The following DIP2A variants were observed in gnomAD, a reference collection of about 807,000 sequenced individuals.
The protein encoded by DIP2A is DIP2 acetate--CoA ligase A.
DIP2A carries 85 observed loss-of-function variants against 177.4 expected under a neutral mutation model. That is an observed-to-expected ratio of 0.48 (90% CI 0.40 to 0.57). The LOEUF is 0.57. DIP2A is among the 20% of genes least tolerant of loss of function. The pLI is 0.00. For missense variants in DIP2A, 1,791 were observed against 2,100.2 expected (o/e 0.85, Z 2.88); for synonymous variants, 886 against 881.8 (o/e 1.00, Z -0.08).
rs60346777 is a variant in DIP2A at position 46,461,271 on chromosome 21, CAAAAAAAAA to C, written c.91+2063_91+2071del. Reference sequence around the variant, plus strand: ...AGAGCGAGAACCTGTCTCTTCTCACCAAAAAAAAAAAAAAAAAAAAAAGGAAAGAAATGG... The same window carrying C: ...AGAGCGAGAACCTGTCTCTTCTCACCAAAAAAAAAAAAAGGAAAGAAATGG... On this transcript the variant is annotated intron_variant, in intron 1 of 37. Coordinates refer to ENST00000417564, the MANE Select transcript of DIP2A (RefSeq NM_015151.4). 2.9e-3 allele frequency among the ~76,000 whole-genome samples: 143 copies of C among 49,328 alleles called. 2 individuals carry two copies. The highest frequency in any genetic ancestry group is 0.011 in the African/African-American group (131 of 11,840). 32.4% of individuals were successfully genotyped at this position (49,328 alleles called of 152,430 possible). A position where few individuals can be genotyped will look rare whatever the true frequency, so the allele number is the denominator to read the frequency against.
At chr21:46,514,663 C>A in intron 8 of DIP2A, among the ~76,000 whole-genome samples, 1 of 103,246 alleles carries the variant, frequency 9.7e-6, no homozygotes. Context: ...TTTGCACAAG[C>A]TAGAACCTCC....
intron 18 of DIP2A, 137 bp downstream of exon 18, chr21:46,542,032 T>TCCGCCTCCC: frequency 1.0e-6 from 1 of 993,086 alleles, no homozygotes; most frequent in Non-Finnish European, 1.5e-6. Context: ...CACTGCATCC[T>TCCGCCTCCC]CCGCCTCCCA....
chr21:46,564,849 T>C (rs959246427), intron 35 of DIP2A, among the ~76,000 whole-genome samples: 3 of 152,140 alleles, frequency 2.0e-5, no homozygotes, highest in Non-Finnish European at 4.4e-5. Flanking sequence ...GTGGCTGGTG[T>C]GAGGGACCCT....
chr21:46,478,333 C>T (rs919894099), intron 1 of DIP2A, among the ~76,000 whole-genome samples: 1 of 152,096 alleles, frequency 6.6e-6, no homozygotes, highest in African/African-American at 2.4e-5. Flanking sequence ...CTGCCTCAGC[C>T]TCCCGAGTAG....
At chr21:46,509,156 A>C in intron 6 of DIP2A, 101 bp from the exon 7 acceptor site, 4 of 1,297,388 alleles carry the variant, frequency 3.1e-6, no homozygotes, top group Non-Finnish European at 4.0e-6. Flanking sequence ...ATGGATTTGT[A>C]AGCTCTGATG....
intron 17 of DIP2A, 77 bp from the exon 18 acceptor site, chr21:46,541,676 ATGC>A: frequency 1.3e-6 from 2 of 1,550,312 alleles, no homozygotes; most frequent in Non-Finnish European, 1.8e-6. Flanking sequence ...GTGCAGAATC[ATGC>A]TGCAGGCAAG....
chr21:46,494,828 T>C (rs1312608399), intron 3 of DIP2A, among the ~76,000 whole-genome samples: 1 of 152,210 alleles, frequency 6.6e-6, no homozygotes, highest in African/African-American at 2.4e-5. Context: ...TCTCTTCAAA[T>C]TGGCTCGAGT....
At chr21:46,506,751 T>G (rs2058017613) in intron 6 of DIP2A, among the ~76,000 whole-genome samples, 1 of 133,684 alleles carries the variant, frequency 7.5e-6, no homozygotes, top group South Asian at 2.3e-4. Flanking sequence ...TTTCTTTCTT[T>G]CTTTCTTTCT....
intron 1 of DIP2A, among the ~76,000 whole-genome samples, chr21:46,467,903 A>G (rs576795284): frequency 6.6e-6 from 1 of 152,022 alleles, no homozygotes; most frequent in African/African-American, 2.4e-5. Flanking sequence ...AGGAGGTTGG[A>G]TCGTTTGAAC....
At chr21:46,524,856 T>A (rs1724489709) in intron 8 of DIP2A, among the ~76,000 whole-genome samples, 1 of 149,824 alleles carries the variant, frequency 6.7e-6, no homozygotes, top group Non-Finnish European at 1.5e-5. Flanking sequence ...TTTTCTTTTA[T>A]GATTTTTGCT....
rs2059682266 is a variant in DIP2A at position 46,538,844 on chromosome 21, A to G, written c.1921+242A>G. The G allele has an allele frequency of 4.0e-5, 20 of 499,096 alleles. 1 individual carries two copies. In the South Asian group the frequency reaches 4.4e-4, roughly 11 times the overall value. 30.9% of individuals were successfully genotyped at this position (499,096 alleles called of 1,614,324 possible). ...TGCTTGATGAAAGGTACATGCCTTA[A>G]TGAGAGTCATCTTTCTTAAGAAATT... On this transcript the variant is annotated intron_variant, in intron 16 of 37. Transcript: ENST00000417564.
chr21:46,504,405 C>G lies in DIP2A; in HGVS notation c.700C>G (p.His234Asp). The G allele has an allele frequency of 6.2e-7, 1 of 1,613,904 alleles. No homozygotes were observed. Among genetic ancestry groups the G allele is most frequent in the South Asian group, 1.1e-5 (1 of 91,054 alleles). The stretch of plus-strand genomic sequence containing the variant: ...TGATGTCACCACGGGCCTCGTGGAG[C>G]ATTCGTACTTTGAGCGTCCACAGGT... ...PPDVTTGLVE[H>D]SYFERPQVAS... The change falls in exon 6 of 38, where the codon CAT becomes GAT. Residue 234 changes from histidine to aspartate, a missense_variant. Transcript: ENST00000417564.
chr21:46,524,446 C>G (rs1387846032), intron 8 of DIP2A, among the ~76,000 whole-genome samples: 4 of 152,126 alleles, frequency 2.6e-5, no homozygotes, highest in Non-Finnish European at 5.9e-5. Context: ...CCCCACTTAC[C>G]CAAAGTCGGC....
the DIP2A span, among the ~76,000 whole-genome samples, chr21:46,577,481 C>G: frequency 6.6e-6 from 1 of 152,254 alleles, no homozygotes; most frequent in Admixed American, 6.5e-5. Flanking sequence ...TCCTGTTCCA[C>G]CGGTCTATGT....
intron 17 of DIP2A, 72 bp from the exon 18 acceptor site, chr21:46,541,684 G>A (rs956196560): frequency 2.2e-5 from 34 of 1,579,632 alleles, no homozygotes; most frequent in Non-Finnish European, 2.9e-5. Flanking sequence ...TCATGCTGCA[G>A]GCAAGGTGGG....
At chr21:46,463,372 G>A (rs1359583410) in intron 1 of DIP2A, 1 of 152,204 alleles carries the variant, frequency 6.6e-6, no homozygotes, top group Non-Finnish European at 1.5e-5. Context: ...CTGCTGAACT[G>A]CTTTAAAAAC....
chr21:46,495,780 C>CA (rs1033043347), intron 3 of DIP2A, among the ~76,000 whole-genome samples: 70 of 151,656 alleles, frequency 4.6e-4, no homozygotes, highest in Middle Eastern at 3.4e-3. Flanking sequence ...CCTAATTAAA[C>CA]AAAAAAAATT....
Position 46,546,912 on chromosome 21 carries a change from C to T in DIP2A, c.2395-3C>T. The stretch of plus-strand genomic sequence containing the variant: ...GAGTCTTGACGCACACCCTTTCCCT[C>T]AGGACAACCTGGTCTTCATCGTGGG... On this transcript the variant is annotated splice_polypyrimidine_tract_variant and splice_region_variant and intron_variant, in intron 20 of 37. Transcript: ENST00000417564. 6.2e-7 allele frequency: 1 copy of T among 1,613,700 alleles called. No individual in the cohort carries two copies. Among genetic ancestry groups the T allele is most frequent in the South Asian group, 1.1e-5 (1 of 91,026 alleles).
At chr21:46,571,090 C>T (rs936489715), downstream of DIP2A, among the ~76,000 whole-genome samples, 2 of 152,182 alleles carry the variant, frequency 1.3e-5, no homozygotes, top group East Asian at 3.9e-4. Context: ...GTGAGCATTA[C>T]CACCTGAGCT....
Sources: gnomAD v4.1 joint callset for allele counts (sites outside exome capture counted in the v4.1 genomes callset) on GRCh38, gnomAD v4.1.1 for gene constraint, MANE v1.5 for transcripts, NCBI Gene and HGNC (gene_info 2026-07-23, HGNC 2026-07-21) for gene names.